SAMD12: variants seen among roughly 807,000 people sequenced by gnomAD.
The protein encoded by SAMD12 is sterile alpha motif domain-containing protein 12.
SAMD12 carries 9 observed loss-of-function variants against 15.0 expected under a neutral mutation model. The observed-to-expected ratio is 0.60, with a 90% CI of 0.36 to 1.05. The LOEUF (loss-of-function observed/expected upper bound fraction) is 1.05. Ranked by LOEUF, SAMD12 falls within the 50% of genes least tolerant of loss-of-function variation. The pLI is 0.01. For missense variants in SAMD12, 230 were observed against 234.2 expected, an observed-to-expected ratio of 0.98 and a Z score of 0.12; for synonymous variants, 86 against 90.1, an observed-to-expected ratio of 0.96 and a Z score of 0.25.
At chr8:118,353,657 T>C (rs1818074525) in intron 4 of SAMD12, among the ~76,000 whole-genome samples, 1 of 152,170 alleles carries the variant, frequency 6.6e-6, no homozygotes. Flanking sequence ...TAAGACATTA[T>C]TATTTTTTTA....
intron 4 of SAMD12, among the ~76,000 whole-genome samples, chr8:118,209,070 T>C (rs113484853): frequency 5.5e-4 from 84 of 152,328 alleles, no homozygotes; most frequent in African/African-American, 1.9e-3. Context: ...AGAAATCTTA[T>C]GAGAAATAGT....
chr8:118,138,538 A>T, the SAMD12 span, among the ~76,000 whole-genome samples: 1 of 152,212 alleles, frequency 6.6e-6, no homozygotes, highest in Non-Finnish European at 1.5e-5. Flanking sequence ...TCCCCATCAG[A>T]CACTGAATAT....
the SAMD12 span, among the ~76,000 whole-genome samples, chr8:118,176,040 G>A: frequency 6.6e-6 from 1 of 152,154 alleles, no homozygotes; most frequent in Admixed American, 6.5e-5. Context: ...GGTGGCTCAC[G>A]CCTGCAATCC....
At chr8:118,350,692 A>G (rs1401200284) in intron 4 of SAMD12, among the ~76,000 whole-genome samples, 1 of 152,222 alleles carries the variant, frequency 6.6e-6, no homozygotes, top group Non-Finnish European at 1.5e-5. Context: ...ATGACTACCT[A>G]TATATCTTTA....
chr8:118,426,868 TA>T (rs1313801462), intron 3 of SAMD12, among the ~76,000 whole-genome samples: 2 of 152,204 alleles, frequency 1.3e-5, no homozygotes, highest in African/African-American at 2.4e-5. Context: ...ACTTTTTAAT[TA>T]AAAAATATTA....
At chr8:118,161,665 G>A in the SAMD12 span, among the ~76,000 whole-genome samples, 3 of 150,680 alleles carry the variant, frequency 2.0e-5, no homozygotes, top group African/African-American at 7.3e-5. Context: ...CTTGTATCTA[G>A]GATACATAAA....
intron 4 of SAMD12, among the ~76,000 whole-genome samples, chr8:118,319,612 G>A (rs1816123282): frequency 6.6e-6 from 1 of 152,116 alleles, no homozygotes; most frequent in South Asian, 2.1e-4. Context: ...TAGAATACCT[G>A]CTTCTCTCCC....
At chr8:118,361,025 TG>T (rs1238545825) in intron 4 of SAMD12, among the ~76,000 whole-genome samples, 4 of 152,278 alleles carry the variant, frequency 2.6e-5, no homozygotes, top group African/African-American at 9.6e-5. Flanking sequence ...AATGTTCTGG[TG>T]GTCTAGCTTT....
chr8:118,283,422 G>A (rs1408116619), intron 4 of SAMD12, among the ~76,000 whole-genome samples: 2 of 152,262 alleles, frequency 1.3e-5, no homozygotes, highest in East Asian at 1.9e-4. Flanking sequence ...TTTTAGAAGG[G>A]AGTACGTAGC....
chr8:118,189,556 G>C lies in SAMD12; in HGVS notation c.*8154C>G, dbSNP rs1020901332. 6.6e-5 allele frequency: 10 copies of C among 152,216 alleles called. No individual in the cohort carries two copies. In the South Asian group the frequency reaches 2.1e-3, roughly 32 times the overall value. 9.4% of individuals were successfully genotyped at this position (152,216 alleles called of 1,614,324 possible). A position where few individuals can be genotyped will look rare whatever the true frequency, so the allele number is the denominator to read the frequency against. The stretch of plus-strand genomic sequence containing the variant: ...ATAGTCAAATATACAAAATGATAAA[G>C]CAGATTTTCCAGCCTGATAGAGATC... On this transcript the variant is annotated 3_prime_UTR_variant, in exon 5 of 5. Coordinates refer to the SAMD12 transcript ENST00000409003.
intron 2 of SAMD12, among the ~76,000 whole-genome samples, chr8:118,472,364 C>T (rs1001036398): frequency 2.6e-5 from 4 of 151,702 alleles, no homozygotes; most frequent in African/African-American, 7.3e-5. Flanking sequence ...TAATGGGTCT[C>T]GAAAGCCTGT....
intron 4 of SAMD12, among the ~76,000 whole-genome samples, chr8:118,325,368 C>T (rs925982366): frequency 4.6e-5 from 7 of 152,070 alleles, no homozygotes; most frequent in Admixed American, 6.5e-5. Context: ...AAGGAAGAAA[C>T]GAGGGGAGAG....
At chr8:118,238,992 C>T (rs1812502700) in intron 4 of SAMD12, among the ~76,000 whole-genome samples, 1 of 152,014 alleles carries the variant, frequency 6.6e-6, no homozygotes, top group Non-Finnish European at 1.5e-5. Context: ...AAAGAAAACA[C>T]CCAGATTCTT....
intron 2 of SAMD12, among the ~76,000 whole-genome samples, chr8:118,549,099 G>A (rs556846933): frequency 6.6e-6 from 1 of 152,248 alleles, no homozygotes; most frequent in Non-Finnish European, 1.5e-5. Flanking sequence ...TCTGGGGGCA[G>A]GGCACAGACA....
intron 4 of SAMD12, among the ~76,000 whole-genome samples, chr8:118,200,883 C>T (rs1358069127): frequency 3.3e-5 from 5 of 152,158 alleles, no homozygotes; most frequent in African/African-American, 1.2e-4. Flanking sequence ...GCAGTGGCAC[C>T]ATCACGGCTC....
chr8:118,600,517 TAGTC>T lies in SAMD12; in HGVS notation c.14-19628_14-19625del, dbSNP rs564650189. Among the ~76,000 whole-genome samples the T allele has an allele frequency of 3.2e-3, 488 of 152,302 alleles. 4 individuals are homozygous for T. The highest frequency in any genetic ancestry group is 0.011 in the African/African-American group (468 of 41,574). On this transcript the variant is annotated intron_variant, in intron 1 of 3. Coordinates refer to ENST00000314727, the MANE Select transcript of SAMD12 (RefSeq NM_207506.3). ...GTGTCTTTGAGGTGGCAACTACTAATAGTCAGCAGTGCAGACAAGATCATAATTT... is the reference window on the plus strand; with the variant it reads ...GTGTCTTTGAGGTGGCAACTACTAATAGCAGTGCAGACAAGATCATAATTT...
At chr8:118,365,703 CTCTTA>C (rs1818729209) in intron 4 of SAMD12, among the ~76,000 whole-genome samples, 1 of 152,234 alleles carries the variant, frequency 6.6e-6, no homozygotes, top group South Asian at 2.1e-4. Context: ...AATAAATCTC[CTCTTA>C]TATGTCTATA....
At chr8:118,133,611 T>C in the SAMD12 span, among the ~76,000 whole-genome samples, 4 of 152,222 alleles carry the variant, frequency 2.6e-5, no homozygotes, top group African/African-American at 9.6e-5. Flanking sequence ...TTTTTTAGAT[T>C]ATGAATTCTT....
intron 4 of SAMD12, among the ~76,000 whole-genome samples, chr8:118,228,178 T>C (rs1201261261): frequency 1.3e-5 from 2 of 152,082 alleles, no homozygotes; most frequent in African/African-American, 4.8e-5. Context: ...AAGCTAAAAA[T>C]TCTAGAAAAT....
Sources: gnomAD v4.1 joint callset for allele counts (sites outside exome capture counted in the v4.1 genomes callset) on GRCh38, gnomAD v4.1.1 for gene constraint, MANE v1.5 for transcripts, NCBI Gene and HGNC (gene_info 2026-07-23, HGNC 2026-07-21) for gene names.